Variants in ITGA2 observed in about 807,000 individuals in gnomAD.
ITGA2 encodes the protein integrin subunit alpha 2, also known as integrin alpha-2.
In ITGA2, 101 loss-of-function variants were observed where a neutral mutation model predicts 146.3. The ratio of observed to expected loss-of-function variants is 0.69; its 90% CI spans 0.59 to 0.81. The LOEUF (loss-of-function observed/expected upper bound fraction) is 0.81. Ranked by LOEUF, ITGA2 falls within the 40% of genes least tolerant of loss-of-function variation. ITGA2 has a pLI of 0.00. For synonymous variants in ITGA2, 477 were observed against 487.1 expected, an observed-to-expected ratio of 0.98 and a Z score of 0.27; for missense variants, 1,281 against 1,402.7, an observed-to-expected ratio of 0.91 and a Z score of 1.39.
intron 2 of ITGA2, among the ~76,000 whole-genome samples, chr5:53,033,821 T>G (rs560313550): frequency 6.6e-6 from 1 of 151,588 alleles, no homozygotes; most frequent in Admixed American, 6.6e-5. Flanking sequence ...TGGAGTGCAG[T>G]AGGGCAATCT....
rs182322964 is a variant in ITGA2, at chr5:53,008,130, G to C, written c.64+18598G>C. ...ATCACAGACTAGGTGGCTTAAACAA[G>C]AGAGACATATTTTCTCACAGTTCTG... On this transcript the variant is annotated intron_variant, in intron 1 of 29. Transcript: ENST00000296585. Among the ~76,000 whole-genome samples the C allele has an allele frequency of 1.2e-3, 178 of 151,880 alleles. 2 individuals are homozygous for C. In the South Asian group the frequency reaches 0.027, roughly 23 times the overall value.
At chr5:53,008,597 G>A (rs1741971622) in intron 1 of ITGA2, among the ~76,000 whole-genome samples, 1 of 151,660 alleles carries the variant, frequency 6.6e-6, no homozygotes, top group African/African-American at 2.4e-5. Context: ...AAAACAAATA[G>A]CCGCAAATCA....
intron 28 of ITGA2, among the ~76,000 whole-genome samples, chr5:53,088,711 A>G: frequency 6.6e-6 from 1 of 151,136 alleles, no homozygotes. Context: ...AAAAGTAAAG[A>G]GAAAGTACTT....
At chr5:53,007,367 C>G (rs1235755609) in intron 1 of ITGA2, among the ~76,000 whole-genome samples, 1 of 152,076 alleles carries the variant, frequency 6.6e-6, no homozygotes, top group Non-Finnish European at 1.5e-5. Context: ...AAAAGAAATA[C>G]TAACTTCAGT....
At chr5:52,997,260 G>C (rs1384353145) in intron 1 of ITGA2, among the ~76,000 whole-genome samples, 1 of 152,152 alleles carries the variant, frequency 6.6e-6, no homozygotes, top group African/African-American at 2.4e-5. Context: ...CAGAAACTTT[G>C]CAATTCTGTC....
chr5:53,031,895 G>A (rs1268195246), intron 2 of ITGA2, among the ~76,000 whole-genome samples: 1 of 152,144 alleles, frequency 6.6e-6, no homozygotes, highest in African/African-American at 2.4e-5. Flanking sequence ...AATCTACAAA[G>A]GATTGAGATA....
At chr5:53,028,134 G>A (rs1171538152) in intron 2 of ITGA2, among the ~76,000 whole-genome samples, 1 of 151,640 alleles carries the variant, frequency 6.6e-6, no homozygotes, top group Non-Finnish European at 1.5e-5. Context: ...TTTTTTCTGT[G>A]TGAACTTCCA....
In ITGA2 at chr5:53,090,580, CCA is replaced by C. The variant is rs1412962405; in HGVS notation, c.3530_3531del (p.Thr1177ArgfsTer4). 1 of 1,613,908 alleles carries C rather than the reference CCA, an allele frequency of 6.2e-7. No individual in the cohort carries two copies. Among genetic ancestry groups the C allele is most frequent in the Non-Finnish European group, 8.5e-7 (1 of 1,179,856 alleles). ...AAAAATCCAGATGAGATTGATGAGA[CCA>C]CAGAGCTCAGTAGCTGAACCAGCAG... On this transcript the variant is annotated frameshift_variant, in exon 30 of 30. Transcript: ENST00000296585. LOFTEE classifies it high-confidence loss of function.
intron 1 of ITGA2, among the ~76,000 whole-genome samples, chr5:52,995,806 G>T (rs944978392): frequency 6.6e-6 from 1 of 152,184 alleles, no homozygotes; most frequent in African/African-American, 2.4e-5. Flanking sequence ...AGATGAGTCA[G>T]GCAAAGGGAC....
chr5:53,011,421 A>G (rs960508173), intron 1 of ITGA2, among the ~76,000 whole-genome samples: 2 of 152,172 alleles, frequency 1.3e-5, no homozygotes, highest in Admixed American at 1.3e-4. Context: ...AAGTACTGTT[A>G]GGCATCCCTG....
chr5:53,004,746 A>G (rs1373551706), intron 1 of ITGA2, among the ~76,000 whole-genome samples: 1 of 151,828 alleles, frequency 6.6e-6, no homozygotes, highest in Non-Finnish European at 1.5e-5. Flanking sequence ...TTCCAAAAGC[A>G]GTTGTAAGGG....
At position 53,056,079 on chromosome 5, in the gene ITGA2, C is replaced by A; in HGVS notation, c.1026C>A (p.Phe342Leu). Residue 342 changes from phenylalanine to leucine, a missense_variant, in exon 9 of 30, where the codon TTC becomes TTA. Transcript: ENST00000296585. The stretch of plus-strand genomic sequence containing the variant: ...GTATTCCAACAGAAAGATACTTTTT[C>A]AATGTGTCTGATGAAGCAGCTCTAC... The part of the protein sequence containing the change: ...IASIPTERYF[F>L]NVSDEAALLE... 6.2e-7 allele frequency: 1 copy of A among 1,611,684 alleles called. No individual in the cohort carries two copies. Among genetic ancestry groups the A allele is most frequent in the Non-Finnish European group, 8.5e-7 (1 of 1,178,592 alleles).
At chr5:53,025,079 A>G (rs557700358) in intron 1 of ITGA2, among the ~76,000 whole-genome samples, 32 of 152,284 alleles carry the variant, frequency 2.1e-4, no homozygotes, top group African/African-American at 7.7e-4. Flanking sequence ...ATGTACAGTC[A>G]CGTGTCCTTT....
chr5:53,026,629 G>C, intron 1 of ITGA2, 119 bp from the exon 2 acceptor site: 1 of 903,454 alleles, frequency 1.1e-6, no homozygotes, highest in Non-Finnish European at 1.8e-6. Flanking sequence ...CTGGGTAAAC[G>C]TTGATAAGTA....
chr5:53,057,103 A>C (rs969109039), intron 9 of ITGA2, among the ~76,000 whole-genome samples: 10 of 152,014 alleles, frequency 6.6e-5, no homozygotes, highest in African/African-American at 2.2e-4. Flanking sequence ...GAGATAACAC[A>C]AAATCACTAG....
In ITGA2 at chr5:53,067,128, A is replaced by G; in HGVS notation, c.1954A>G (p.Ile652Val). ...CTTTATGTCTTTTAGGTCACAAAGTATTGCTGATGTAGCTATAGAAGCTTC... is the reference window on the plus strand; with the variant it reads ...CTTTATGTCTTTTAGGTCACAAAGTGTTGCTGATGTAGCTATAGAAGCTTC... ...GQVVQLWSQS[I>V]ADVAIEASFT... is the part of the protein sequence containing the mutation. The change falls in exon 16 of 30, where the codon ATT becomes GTT. Residue 652 changes from isoleucine to valine, a missense_variant. Ile to Val is a conservative substitution (Grantham distance 29). Transcript: ENST00000296585. The G allele has an allele frequency of 1.2e-6, 2 of 1,610,738 alleles. No individual in the cohort carries two copies. The highest frequency in any genetic ancestry group is 8.5e-7 in the Non-Finnish European group (1 of 1,178,436).
intron 1 of ITGA2, among the ~76,000 whole-genome samples, chr5:53,007,723 G>C (rs921146192): frequency 2.6e-5 from 4 of 152,088 alleles, no homozygotes; most frequent in Admixed American, 6.6e-5. Context: ...GAAAAAGAGA[G>C]AATCTATTGA....
At chr5:52,998,661 G>T (rs576735846) in intron 1 of ITGA2, among the ~76,000 whole-genome samples, 2 of 152,140 alleles carry the variant, frequency 1.3e-5, no homozygotes, top group African/African-American at 4.8e-5. Context: ...TCCTCACTTG[G>T]ACCCTTCCAT....
chr5:53,007,935 A>T (rs1002824821), intron 1 of ITGA2, among the ~76,000 whole-genome samples: 11 of 152,190 alleles, frequency 7.2e-5, no homozygotes, highest in African/African-American at 2.4e-4. Context: ...CACACAAAAT[A>T]TAAACCTTAA....
Sources: allele counts gnomAD v4.1 joint callset (sites outside exome capture counted in the v4.1 genomes callset), GRCh38; gene constraint gnomAD v4.1.1; transcripts MANE v1.5; gene names NCBI Gene and HGNC (gene_info 2026-07-23, HGNC 2026-07-21).